Variants in PRPF18 observed in about 807,000 individuals in gnomAD.
PRPF18 encodes the protein pre-mRNA-splicing factor 18.
A neutral mutation model predicts 46.5 loss-of-function variants in PRPF18; 38 were observed. That is an observed-to-expected ratio of 0.82 (90% CI 0.63 to 1.07). The LOEUF (loss-of-function observed/expected upper bound fraction) is 1.07. PRPF18 is among the 50% of genes least tolerant of loss of function. The probability of loss-of-function intolerance (pLI) is 0.00; values close to 1 mark genes in which losing one functional copy is unlikely to be tolerated. For missense variants in PRPF18, 263 were observed against 410.0 expected (o/e 0.64, Z 3.10); for synonymous variants, 152 against 146.7 (o/e 1.04, Z -0.26).
At chr10:13,650,305 G>A in the PRPF18 span, among the ~76,000 whole-genome samples, 2 of 152,176 alleles carry the variant, frequency 1.3e-5, no homozygotes, top group African/African-American at 4.8e-5. Flanking sequence ...AAGGCCAGAG[G>A]ATAGGGGATG....
In PRPF18 at chr10:13,614,095, C is replaced by T. The variant is rs1172415864; in HGVS notation, c.792+9C>T. ...AGAGAGAATACGTGAAGGTACATTCCCATGCTGTTCTTTGAAATTGTTAAG... is the reference window on the plus strand; with the variant it reads ...AGAGAGAATACGTGAAGGTACATTCTCATGCTGTTCTTTGAAATTGTTAAG... On this transcript the variant is annotated intron_variant, in intron 8 of 9. Transcript: ENST00000378572. 1.3e-6 allele frequency: 2 copies of T among 1,543,914 alleles called. No individual in the cohort carries two copies. The highest frequency in any genetic ancestry group is 1.9e-5 in the Admixed American group (1 of 52,332).
the PRPF18 span, chr10:13,650,981 T>TG: frequency 1.3e-5 from 2 of 152,218 alleles, no homozygotes; most frequent in East Asian, 3.9e-4. Context: ...AGTGTAGCAG[T>TG]TTCTCATGCT....
chr10:13,651,880 GA>G, the PRPF18 span: 7 of 1,262,566 alleles, frequency 5.5e-6, no homozygotes, highest in Non-Finnish European at 5.8e-6. Context: ...TGGGCAGTAG[GA>G]ACAAAACTCC....
chr10:13,653,216 CAGAT>C, the PRPF18 span: 7,293 of 152,300 alleles, frequency 0.048, 488 homozygotes, highest in African/African-American at 0.14. Context: ...AAAATTACCA[CAGAT>C]AAACCTGCAG....
intron 2 of PRPF18, 146 bp from the exon 3 acceptor site, chr10:13,600,098 A>C (rs1260761399): frequency 1.7e-6 from 1 of 598,498 alleles, no homozygotes; most frequent in Non-Finnish European, 2.8e-6. Flanking sequence ...AAGCATGTAC[A>C]CTTATTGTGA....
intron 1 of PRPF18, among the ~76,000 whole-genome samples, chr10:13,593,501 G>A (rs2079992862): frequency 6.6e-6 from 1 of 152,228 alleles, no homozygotes; most frequent in Non-Finnish European, 1.5e-5. Flanking sequence ...GGGTAAGGAA[G>A]TGGACACGGA....
rs1022202799 is a variant in PRPF18 at position 13,586,995 on chromosome 10, C to G, written c.-92C>G. 15 of 1,300,558 alleles carry G rather than the reference C, an allele frequency of 1.2e-5. No individual in the cohort carries two copies. The highest frequency in any genetic ancestry group is 1.7e-5 in the Non-Finnish European group (15 of 895,428). The allele number at this position is 1,300,558 out of a possible 1,614,324, so 80.6% of individuals were successfully genotyped here. ...TTCTCAGGTGTTTGGGCTTGTTGTT[C>G]CGTATACTCAGTGGGTTCGCGGCCG... On this transcript the variant is annotated 5_prime_UTR_variant, in exon 1 of 10. Transcript: ENST00000378572.
chr10:13,607,970 C>T (rs1454496262), intron 4 of PRPF18, among the ~76,000 whole-genome samples: 18 of 152,154 alleles, frequency 1.2e-4, no homozygotes, highest in Admixed American at 1.2e-3. Flanking sequence ...TTCAGATCTT[C>T]TTTGGCCTTG....
At chr10:13,625,190 C>T (rs896093198) in intron 9 of PRPF18, among the ~76,000 whole-genome samples, 7 of 151,866 alleles carry the variant, frequency 4.6e-5, no homozygotes, top group Non-Finnish European at 7.4e-5. Context: ...TTTAGCTGGA[C>T]GTGGTGGTGC....
At chr10:13,647,979 G>A in the PRPF18 span, 1 of 151,884 alleles carries the variant, frequency 6.6e-6, no homozygotes, top group Non-Finnish European at 1.5e-5. Flanking sequence ...ACCCAAAGTA[G>A]TTCAGAGCGG....
intron 3 of PRPF18, among the ~76,000 whole-genome samples, chr10:13,605,050 T>C (rs991844078): frequency 2.6e-5 from 4 of 152,210 alleles, no homozygotes; most frequent in African/African-American, 9.6e-5. Context: ...CTAGGAGCTG[T>C]TCAGTGATAA....
chr10:13,637,939 G>A, the PRPF18 span: 1 of 152,186 alleles, frequency 6.6e-6, no homozygotes, highest in Non-Finnish European at 1.5e-5. Flanking sequence ...TAAATGTGTG[G>A]TGTAGACACT....
the PRPF18 span, chr10:13,650,942 T>C: frequency 6.6e-6 from 1 of 152,152 alleles, no homozygotes; most frequent in Non-Finnish European, 1.5e-5. Context: ...TTGCATTTTG[T>C]TTCTAAGTCT....
chr10:13,620,313 C>T (rs1374708018), intron 9 of PRPF18, among the ~76,000 whole-genome samples: 2 of 152,162 alleles, frequency 1.3e-5, no homozygotes, highest in Non-Finnish European at 2.9e-5. Context: ...CAGTTTGCTG[C>T]CCCGTAGTAA....
intron 9 of PRPF18, among the ~76,000 whole-genome samples, chr10:13,618,915 G>A (rs952874509): frequency 1.1e-4 from 17 of 152,154 alleles, no homozygotes; most frequent in Admixed American, 7.9e-4. Flanking sequence ...CTAGATCAGC[G>A]GTCCCTGACA....
the PRPF18 span, chr10:13,644,572 T>A: frequency 6.6e-6 from 1 of 152,218 alleles, no homozygotes; most frequent in Admixed American, 6.5e-5. Context: ...AATTTTTGCC[T>A]CTCATTCCTT....
chr10:13,644,126 A>G, the PRPF18 span: 1 of 152,612 alleles, frequency 6.6e-6, no homozygotes, highest in Non-Finnish European at 1.5e-5. Flanking sequence ...AACAGTTTCA[A>G]CACTCACCTG....
chr10:13,618,630 A>G (rs1290676922), intron 9 of PRPF18, among the ~76,000 whole-genome samples: 1 of 151,574 alleles, frequency 6.6e-6, no homozygotes, highest in African/African-American at 2.4e-5. Flanking sequence ...AAAAAAAAAA[A>G]AAAAAAAAAA....
chr10:13,587,257 G>T, intron 1 of PRPF18, 105 bp downstream of exon 1: 2 of 1,268,476 alleles, frequency 1.6e-6, no homozygotes, highest in African/African-American at 1.5e-5. Flanking sequence ...GGCGGGGACG[G>T]GGCTTAGCGA....
Sources: gnomAD v4.1 joint callset for allele counts (sites outside exome capture counted in the v4.1 genomes callset) on GRCh38, gnomAD v4.1.1 for gene constraint, MANE v1.5 for transcripts, NCBI Gene and HGNC (gene_info 2026-07-23, HGNC 2026-07-21) for gene names.